Variants in LRRK1 observed in about 807,000 individuals in gnomAD.
LRRK1 encodes leucine rich repeat kinase 1.
In LRRK1, 113 loss-of-function variants were observed where a neutral mutation model predicts 209.1. The observed-to-expected ratio is 0.54, with a 90% confidence interval of 0.46 to 0.63. The LOEUF (loss-of-function observed/expected upper bound fraction) is 0.63. Among genes scored for constraint, LRRK1 ranks in the 30% least tolerant of loss-of-function variants. The pLI is 0.00. For synonymous variants in LRRK1, 1,144 were observed against 1,099.7 expected (o/e 1.04, Z -0.80); for missense variants, 2,284 against 2,632.2 (o/e 0.87, Z 2.89).
intron 6 of LRRK1, among the ~76,000 whole-genome samples, chr15:100,993,223 T>A (rs1008499902): frequency 2.0e-5 from 3 of 152,248 alleles, no homozygotes; most frequent in African/African-American, 7.2e-5. Context: ...TTGAGTTGAA[T>A]ATTTATTTCT....
At position 100,973,881 on chromosome 15, in the gene LRRK1, C is replaced by T. The variant is rs941012164; in HGVS notation, c.175C>T (p.Arg59Cys). The change falls in exon 3 of 34, where the codon CGC (arginine) becomes TGC (cysteine). Residue 59 changes from arginine to cysteine, a missense_variant. By Grantham distance (180) the Arg-to-Cys change is radical. Transcript: ENST00000388948. ...GCGGTCCCGCAGGACGGAAGGCATC[C>T]GCGCCGCGTACAGGCGGGGAGACCG... The part of the protein sequence containing the change: ...AARSRRTEGI[R>C]AAYRRGDRGG... The T allele has an allele frequency of 3.3e-5, 42 of 1,280,224 alleles. No homozygotes were observed. The Middle Eastern group carries it at 8.8e-4, about 27-fold the overall frequency. The allele number at this position is 1,280,224 out of a possible 1,614,324, so 79.3% of individuals were successfully genotyped here. A position where few individuals can be genotyped will look rare whatever the true frequency, so the allele number is the denominator to read the frequency against.
intron 11 of LRRK1, among the ~76,000 whole-genome samples, chr15:101,014,866 G>T (rs1339695741): frequency 6.6e-6 from 1 of 152,236 alleles, no homozygotes; most frequent in Non-Finnish European, 1.5e-5. Flanking sequence ...AATGTGGGGG[G>T]AAACAGCCCC....
chr15:100,988,651 C>A lies in LRRK1; in HGVS notation c.451C>A (p.Arg151=), dbSNP rs552211004. 3.7e-6 allele frequency: 6 copies of A among 1,614,050 alleles called. No individual in the cohort carries two copies. Among genetic ancestry groups the A allele is most frequent in the Non-Finnish European group, 5.1e-6 (6 of 1,180,050 alleles). The change falls in exon 5 of 34, where the codon CGG becomes AGG. Residue 151 remains arginine, a synonymous_variant. Coordinates refer to ENST00000388948, the MANE Select transcript of LRRK1 (RefSeq NM_024652.6). The part of the protein sequence containing the change: ...ESLPGPCSPQ[R]LLNWMLALAC... ...CCTGCCAGGTCCCTGCAGTCCCCAG[C>A]GGCTTCTGAACTGGATGCTGGCCTT...
rs778043289 is a variant in LRRK1 at position 100,947,514 on chromosome 15, A to G, written c.97+22785A>G. 4.6e-5 allele frequency among the ~76,000 whole-genome samples: 7 copies of G among 152,280 alleles called. No homozygotes were observed. In the East Asian group the frequency reaches 7.7e-4, roughly 17 times the overall value. On this transcript the variant is annotated intron_variant, in intron 2 of 33. Transcript: ENST00000388948. Reference sequence around the variant, plus strand: ...TTTTTATTCTCAATATTTTAACTCAATATTGGAGTTAATAATTGAGGCTAT... The same window carrying G: ...TTTTTATTCTCAATATTTTAACTCAGTATTGGAGTTAATAATTGAGGCTAT...
Position 101,015,406 on chromosome 15 carries a change from T to C in LRRK1, c.1609+4T>C, listed in dbSNP as rs1239218087. ...CAGCGCTCCGGGACTGAGGCAGGTG[T>C]GTGTGGGTTGGGAGACGGTGTTCCC... On this transcript the variant is annotated splice_donor_region_variant and intron_variant, in intron 12 of 33. Coordinates refer to ENST00000388948, the MANE Select transcript of LRRK1 (RefSeq NM_024652.6). 2 of 1,610,514 alleles carry C rather than the reference T, an allele frequency of 1.2e-6. No individual in the cohort carries two copies. The highest frequency in any genetic ancestry group is 4.5e-5 in the East Asian group (2 of 44,772).
chr15:100,924,240 C>T (rs1460918229), intron 1 of LRRK1, among the ~76,000 whole-genome samples: 1 of 152,194 alleles, frequency 6.6e-6, no homozygotes, highest in Non-Finnish European at 1.5e-5. Flanking sequence ...GTTGACTGAA[C>T]AATGATTGAA....
intron 10 of LRRK1, among the ~76,000 whole-genome samples, chr15:101,012,800 G>A (rs2033330340): frequency 6.6e-6 from 1 of 152,214 alleles, no homozygotes; most frequent in Admixed American, 6.5e-5. Context: ...AGAGAGGATG[G>A]GCTATCATGT....
chr15:100,927,775 AC>A (rs1287149187), intron 2 of LRRK1, among the ~76,000 whole-genome samples: 8 of 152,054 alleles, frequency 5.3e-5, no homozygotes, highest in Non-Finnish European at 1.0e-4. Context: ...ACTAATTTAT[AC>A]CCATACTCAG....
rs780680269 is a variant in LRRK1, at chr15:101,065,586, G to A, written c.5149G>A (p.Asp1717Asn). The A allele has an allele frequency of 1.5e-5, 25 of 1,614,090 alleles. No individual in the cohort carries two copies. The highest frequency in any genetic ancestry group is 3.3e-5 in the South Asian group (3 of 91,082). ...YSNGPGLLVIDCASLEICRRL... is the reference protein window; with the variant it reads ...YSNGPGLLVINCASLEICRRL... The stretch of plus-strand genomic sequence containing the variant: ...CAATGGGCCGGGCCTCCTTGTCATC[G>A]ACTGTGCCTCCCTGGAGATCTGCAG... Residue 1717 changes from aspartate to asparagine, a missense_variant, in exon 32 of 34, where the codon GAC becomes AAC. Physicochemically the swap from Asp to Asn is conservative, Grantham distance 23. Around this residue, in one of 6 missense-constraint regions of LRRK1, gnomAD observed 643 missense variants for 695.9 expected, o/e 0.92. Transcript: ENST00000388948.
chr15:100,943,063 G>A (rs1303072699), intron 2 of LRRK1, among the ~76,000 whole-genome samples: 1 of 152,146 alleles, frequency 6.6e-6, no homozygotes, highest in African/African-American at 2.4e-5. Flanking sequence ...AACTGTCTTG[G>A]TATGTTCCAA....
rs1333528063 is a variant in LRRK1, at chr15:101,008,916, C to T, written c.842C>T (p.Thr281Met). Residue 281 changes from threonine (T) to methionine (M), a missense_variant, in exon 7 of 34, where the codon ACG (threonine) becomes ATG (methionine). Coordinates refer to ENST00000388948, the MANE Select transcript of LRRK1 (RefSeq NM_024652.6). ...DWLIDISCQI[T>M]ELDLSANCLA... ...CTCATAGACATCTCCTGCCAGATCA[C>T]GGAGCTCGACCTTTCTGCCAACTGC... The T allele has an allele frequency of 5.0e-6, 8 of 1,614,178 alleles. No individual in the cohort carries two copies. In the East Asian group the frequency reaches 1.3e-4, roughly 27 times the overall value.
Position 101,048,484 on chromosome 15 carries a change from T to C in LRRK1, c.3136-10T>C, listed in dbSNP as rs774704836. Reference sequence around the variant, plus strand: ...GAATACTTAAGCAGGGTCTTTTCTCTGTCTTTCAGCTTTTTGAAAACAAGA... The same window carrying C: ...GAATACTTAAGCAGGGTCTTTTCTCCGTCTTTCAGCTTTTTGAAAACAAGA... On this transcript the variant is annotated splice_polypyrimidine_tract_variant and intron_variant, in intron 21 of 33. Coordinates refer to ENST00000388948, the MANE Select transcript of LRRK1 (RefSeq NM_024652.6). The C allele has an allele frequency of 1.9e-6, 3 of 1,601,576 alleles. No individual in the cohort carries two copies. Among genetic ancestry groups the C allele is most frequent in the South Asian group, 1.1e-5 (1 of 88,628 alleles).
At chr15:101,023,335 A>ATT (rs1330445476) in intron 15 of LRRK1, among the ~76,000 whole-genome samples, 17 of 152,124 alleles carry the variant, frequency 1.1e-4, no homozygotes, top group Non-Finnish European at 2.5e-4. Flanking sequence ...TTCAAAAAAA[A>ATT]TTTTTTGAGT....
chr15:100,941,440 G>GTGCCTGTATCTGTGTGCGTC lies in LRRK1; in HGVS notation c.97+16713_97+16714insCCTGTATCTGTGTGCGTCTG, dbSNP rs1567191140. On this transcript the variant is annotated intron_variant, in intron 2 of 33. Transcript: ENST00000388948. ...TGTGTGTGTGTGTCTGTGTGTGTGT[G>GTGCCTGTATCTGTGTGCGTC]TGTGTCTGTGTGTGTCTATGTCTCT... Among the ~76,000 whole-genome samples, 41 of 138,910 alleles carry GTGCCTGTATCTGTGTGCGTC rather than the reference G, an allele frequency of 3.0e-4. 7 individuals are homozygous for GTGCCTGTATCTGTGTGCGTC. The highest frequency in any genetic ancestry group is 9.1e-4 in the African/African-American group (31 of 33,986). 91.1% of individuals were successfully genotyped at this position (138,910 alleles called of 152,430 possible). A position where few individuals can be genotyped will look rare whatever the true frequency, so the allele number is the denominator to read the frequency against.
chr15:101,063,978 T>C (rs2036363928), intron 31 of LRRK1, among the ~76,000 whole-genome samples: 2 of 152,182 alleles, frequency 1.3e-5, no homozygotes. Context: ...GGGCACCACC[T>C]CCTGCACGAC....
chr15:101,068,872 A>T lies in LRRK1; in HGVS notation c.*24A>T. The T allele has an allele frequency of 4.5e-6, 7 of 1,566,490 alleles. No homozygotes were observed. Among genetic ancestry groups the T allele is most frequent in the Non-Finnish European group, 6.1e-6 (7 of 1,153,674 alleles). On this transcript the variant is annotated 3_prime_UTR_variant, in exon 34 of 34. Coordinates refer to ENST00000388948, the MANE Select transcript of LRRK1 (RefSeq NM_024652.6). ...AATTCCTGTGGAATGACTGTCACAC[A>T]TCAGAGCTGGCTGGCCCGGGGCTGC...
At chr15:100,932,232 C>T (rs1027933043) in intron 2 of LRRK1, among the ~76,000 whole-genome samples, 13 of 152,170 alleles carry the variant, frequency 8.5e-5, no homozygotes, top group Non-Finnish European at 1.2e-4. Flanking sequence ...GTGATCCACT[C>T]GTCTCGGCCT....
rs1310986989 is a variant in LRRK1 at position 101,057,932 on chromosome 15, C to G, written c.4528-58C>G. 3.8e-6 allele frequency: 6 copies of G among 1,584,946 alleles called. No individual in the cohort carries two copies. The African/African-American group carries it at 4.0e-5, about 11-fold the overall frequency. ...GGGCTGGCTGATCTCATGGGCAGAA[C>G]GGGCACCAATCCGGTTGTAAGTGAC... On this transcript the variant is annotated intron_variant, in intron 28 of 33. Coordinates refer to ENST00000388948, the MANE Select transcript of LRRK1 (RefSeq NM_024652.6).
At chr15:100,990,283 C>G (rs2032089880) in intron 6 of LRRK1, among the ~76,000 whole-genome samples, 1 of 152,134 alleles carries the variant, frequency 6.6e-6, no homozygotes, top group African/African-American at 2.4e-5. Context: ...ATACATAGAG[C>G]CAGTGTCACT....
Sources: allele counts gnomAD v4.1 joint callset (sites outside exome capture counted in the v4.1 genomes callset), GRCh38; gene constraint gnomAD v4.1.1; regional missense constraint gnomAD v4.1.1; transcripts MANE v1.5; gene names NCBI Gene and HGNC (gene_info 2026-07-23, HGNC 2026-07-21).